The following HDLBP variants were observed in gnomAD, a reference collection of about 807,000 sequenced individuals.
HDLBP encodes the protein vigilin.
In HDLBP, 30 loss-of-function variants were observed where a neutral mutation model predicts 137.3. The observed-to-expected ratio is 0.22, with a 90% CI of 0.16 to 0.30. The LOEUF (loss-of-function observed/expected upper bound fraction) is 0.30, where lower values mean the gene tolerates loss of function less well. Ranked by LOEUF, HDLBP falls within the 10% of genes least tolerant of loss-of-function variation. The pLI is 1.00. For missense variants in HDLBP, 1,119 were observed against 1,667.3 expected, an observed-to-expected ratio of 0.67 and a Z score of 5.73; for synonymous variants, 606 against 596.0, an observed-to-expected ratio of 1.02 and a Z score of -0.24.
rs773287452 is a variant in HDLBP, at chr2:241,235,577, G to A, written c.2922C>T (p.Thr974=). The change falls in exon 22 of 28, where the codon ACC becomes ACT. Residue 974 remains threonine (T), a synonymous_variant. Transcript: ENST00000310931. ...GGTCAAAGGGCACCTCTACTTCAAT[G>A]GTGACAGGAACCAATGCCTGCAGGG... ...KEALEALVPV[T]IEVEVPFDLH... 6.2e-7 allele frequency: 1 copy of A among 1,613,674 alleles called. No homozygotes were observed. Among genetic ancestry groups the A allele is most frequent in the African/African-American group, 1.3e-5 (1 of 74,908 alleles).
chr2:241,304,654 C>A (rs757871014), intron 1 of HDLBP, among the ~76,000 whole-genome samples: 2 of 152,170 alleles, frequency 1.3e-5, no homozygotes, highest in Non-Finnish European at 2.9e-5. Flanking sequence ...TATTCAAAAT[C>A]CCAAGAAACA....
At chr2:241,302,060 G>A (rs1369798510) in intron 1 of HDLBP, among the ~76,000 whole-genome samples, 1 of 148,328 alleles carries the variant, frequency 6.7e-6, no homozygotes, top group Non-Finnish European at 1.5e-5. Context: ...GCAAAACAGA[G>A]TGAGACCCCC....
chr2:241,267,037 C>A, intron 2 of HDLBP, 131 bp from the exon 3 acceptor site: 1 of 679,548 alleles, frequency 1.5e-6, no homozygotes, highest in Non-Finnish European at 2.5e-6. Flanking sequence ...ATTTTCCTCA[C>A]AACCTCTGAT....
chr2:241,247,926 G>A, intron 14 of HDLBP, 77 bp downstream of exon 14: 1 of 987,278 alleles, frequency 1.0e-6, no homozygotes. Context: ...TCCTGTGGGG[G>A]TCAGGACTTC....
At chr2:241,314,723 C>CT (rs1299006777) in intron 1 of HDLBP, among the ~76,000 whole-genome samples, 1 of 152,208 alleles carries the variant, frequency 6.6e-6, no homozygotes, top group Non-Finnish European at 1.5e-5. Context: ...AGCAGCTAGC[C>CT]TTGAGCACCT....
rs116093939 is a variant in HDLBP, at chr2:241,268,088, C to A, written c.-38+389G>T. On this transcript the variant is annotated intron_variant, in intron 2 of 27. Transcript: ENST00000310931. ...CACAATTACGCATCAATTACTCGCA[C>A]AACAAGGCCAAGTAATAAGGAGTGA... 2.9e-3 allele frequency: 1,354 copies of A among 466,492 alleles called. 12 individuals carry two copies. Among genetic ancestry groups the A allele is most frequent in the African/African-American group, 0.026 (1,246 of 47,242 alleles). 28.9% of individuals were successfully genotyped at this position (466,492 alleles called of 1,614,324 possible). A position where few individuals can be genotyped will look rare whatever the true frequency, so the allele number is the denominator to read the frequency against.
rs527837684 is a variant in HDLBP at position 241,228,306 on chromosome 2, A to G, written c.*1295T>C. 4.6e-5 allele frequency: 7 copies of G among 152,512 alleles called. No homozygotes were observed. In the South Asian group the frequency reaches 8.3e-4, roughly 18 times the overall value. 9.4% of individuals were successfully genotyped at this position (152,512 alleles called of 1,614,324 possible). A position where few individuals can be genotyped will look rare whatever the true frequency, so the allele number is the denominator to read the frequency against. ...GGGCCCCGTCCTCAGCCCTCACAGC[A>G]TGACACAGATGCCTCCCTCGGAGAG... On this transcript the variant is annotated 3_prime_UTR_variant, in exon 28 of 28. Coordinates refer to ENST00000310931, the MANE Select transcript of HDLBP (RefSeq NM_005336.6).
intron 1 of HDLBP, among the ~76,000 whole-genome samples, chr2:241,301,228 C>T (rs2075387810): frequency 6.6e-6 from 1 of 151,296 alleles, no homozygotes; most frequent in East Asian, 1.9e-4. Context: ...ACCTCGTGAT[C>T]TGCCCACCTA....
chr2:241,254,752 A>G (rs1319182753), intron 9 of HDLBP, among the ~76,000 whole-genome samples: 1 of 152,152 alleles, frequency 6.6e-6, no homozygotes, highest in Non-Finnish European at 1.5e-5. Flanking sequence ...CCAAAGTATC[A>G]TGAAGTTATT....
At chr2:241,299,667 G>C (rs189242113) in intron 1 of HDLBP, among the ~76,000 whole-genome samples, 25 of 152,278 alleles carry the variant, frequency 1.6e-4, no homozygotes, top group Non-Finnish European at 2.2e-4. Flanking sequence ...TGTAATCCCA[G>C]CACTCTGGGA....
chr2:241,251,993 C>T (rs1171568220), intron 11 of HDLBP, among the ~76,000 whole-genome samples: 3 of 152,036 alleles, frequency 2.0e-5, no homozygotes, highest in African/African-American at 4.8e-5. Context: ...AAACAAACAA[C>T]ACAAAACATC....
At chr2:241,254,391 CAT>C (rs2072449676) in intron 9 of HDLBP, among the ~76,000 whole-genome samples, 1 of 152,028 alleles carries the variant, frequency 6.6e-6, no homozygotes, top group South Asian at 2.1e-4. Context: ...CTTTTTTGTT[CAT>C]GTTTCCTGGG....
intron 6 of HDLBP, 38 bp from the exon 7 acceptor site, chr2:241,256,437 T>C (rs768355231): frequency 6.4e-7 from 1 of 1,559,020 alleles, no homozygotes; most frequent in South Asian, 1.2e-5. Context: ...AACAGGCCTT[T>C]GAAAACAAAC....
chr2:241,266,571 C>A (rs141136910), intron 3 of HDLBP: 1 of 510,938 alleles, frequency 2.0e-6, no homozygotes, highest in Non-Finnish European at 3.5e-6. Context: ...CAGAAAGCTG[C>A]CCACATGTTA....
At position 241,272,135 on chromosome 2, in the gene HDLBP, A is replaced by G; in HGVS notation, c.-102-3594T>C. 1 of 979,374 alleles carries G rather than the reference A, an allele frequency of 1.0e-6. No homozygotes were observed. The highest frequency in any genetic ancestry group is 1.2e-6 in the Non-Finnish European group (1 of 824,410). The allele number at this position is 979,374 out of a possible 1,614,324, so 60.7% of individuals were successfully genotyped here. ...ACGTCCAAGTTGCACTCCAGGCCCAAGAAGAGCAGCTTTCCCCACCCCCGA... is the reference window on the plus strand; with the variant it reads ...ACGTCCAAGTTGCACTCCAGGCCCAGGAAGAGCAGCTTTCCCCACCCCCGA... On this transcript the variant is annotated intron_variant, in intron 1 of 27. Transcript: ENST00000310931. This position sits in a 1 kb window ranked among gnomAD's most constrained non-coding sequence, Gnocchi z 5.6.
chr2:241,303,605 C>G lies in HDLBP; in HGVS notation c.-103+11965G>C, dbSNP rs58816231. ...TTTGTTAATCCAAGCACATGCAAGT[C>G]TCTGGAGAAAGCTGCTCCACAAAGC... On this transcript the variant is annotated intron_variant, in intron 1 of 27. Coordinates refer to ENST00000310931, the MANE Select transcript of HDLBP (RefSeq NM_005336.6). Among the ~76,000 whole-genome samples the G allele has an allele frequency of 8.5e-3, 1,287 of 152,304 alleles. 23 individuals are homozygous for G. Among genetic ancestry groups the G allele is most frequent in the African/African-American group, 0.029 (1,212 of 41,564 alleles).
chr2:241,229,431 G>A lies in HDLBP; in HGVS notation c.*170C>T. The A allele has an allele frequency of 1.7e-6, 1 of 577,552 alleles. No homozygotes were observed. 35.8% of individuals were successfully genotyped at this position (577,552 alleles called of 1,614,324 possible). On this transcript the variant is annotated 3_prime_UTR_variant, in exon 28 of 28. Coordinates refer to ENST00000310931, the MANE Select transcript of HDLBP (RefSeq NM_005336.6). Reference sequence around the variant, plus strand: ...TCCTGAGCGGGCACGGCCAGGCCTGGAGGAGCGGCCGCACACACAGCCAGG... The same window carrying A: ...TCCTGAGCGGGCACGGCCAGGCCTGAAGGAGCGGCCGCACACACAGCCAGG...
At chr2:241,284,033 AAAAAAAGATTCCTTTC>A (rs1263606041) in intron 1 of HDLBP, among the ~76,000 whole-genome samples, 2 of 151,838 alleles carry the variant, frequency 1.3e-5, no homozygotes, top group Non-Finnish European at 2.9e-5. Flanking sequence ...CCCAGAAAAA[AAAAAAAGATTCCTTTC>A]AAAACATTAC....
chr2:241,273,166 A>G, intron 1 of HDLBP: 1 of 985,508 alleles, frequency 1.0e-6, no homozygotes, highest in Non-Finnish European at 1.2e-6. Flanking sequence ...CAAAATCAGA[A>G]GAAAAACCTC....
Sources: allele counts gnomAD v4.1 joint callset (sites outside exome capture counted in the v4.1 genomes callset), GRCh38; gene constraint gnomAD v4.1.1; non-coding constraint Gnocchi (gnomAD v3.1); transcripts MANE v1.5; gene names NCBI Gene and HGNC (gene_info 2026-07-23, HGNC 2026-07-21).